PPP6R3: variants seen among roughly 807,000 people sequenced by gnomAD.
PPP6R3 encodes the protein protein phosphatase 6 regulatory subunit 3.
PPP6R3 carries 38 observed loss-of-function variants against 110.7 expected under a neutral mutation model. That is an observed-to-expected ratio of 0.34 (90% CI 0.26 to 0.45). PPP6R3 has a LOEUF of 0.45. PPP6R3 is among the 20% of genes least tolerant of loss of function. The probability of loss-of-function intolerance (pLI) is 1.00; values close to 1 mark genes in which losing one functional copy is unlikely to be tolerated. For missense variants in PPP6R3, 870 were observed against 1,062.4 expected (o/e 0.82, Z 2.52); for synonymous variants, 369 against 373.5 (o/e 0.99, Z 0.14).
chr11:68,487,536 C>A (rs2098955716), intron 1 of PPP6R3, among the ~76,000 whole-genome samples: 2 of 151,332 alleles, frequency 1.3e-5, no homozygotes, highest in African/African-American at 4.9e-5. Flanking sequence ...CACCACTGCA[C>A]TCCAGCCTGG....
At chr11:68,493,874 G>A (rs576492367) in intron 1 of PPP6R3, among the ~76,000 whole-genome samples, 11 of 151,132 alleles carry the variant, frequency 7.3e-5, no homozygotes, top group African/African-American at 2.4e-4. Context: ...AGGCTGAGGC[G>A]GGTGGATCAC....
At chr11:68,530,347 TTGTG>T (rs948366672) in intron 2 of PPP6R3, among the ~76,000 whole-genome samples, 1 of 152,146 alleles carries the variant, frequency 6.6e-6, no homozygotes, top group African/African-American at 2.4e-5. Flanking sequence ...TGTGTGAAAT[TTGTG>T]TGTCAAATAT....
At chr11:68,591,237 A>G (rs2099594363) in intron 17 of PPP6R3, among the ~76,000 whole-genome samples, 1 of 152,202 alleles carries the variant, frequency 6.6e-6, no homozygotes, top group Admixed American at 6.5e-5. Context: ...AGTAAAAGCA[A>G]ATAAGTACGG....
At chr11:68,534,431 G>A (rs2099258652) in intron 2 of PPP6R3, among the ~76,000 whole-genome samples, 1 of 152,142 alleles carries the variant, frequency 6.6e-6, no homozygotes, top group Non-Finnish European at 1.5e-5. Flanking sequence ...GCTGGATTTG[G>A]TTTGCCAACA....
intron 17 of PPP6R3, 61 bp from the exon 18 acceptor site, chr11:68,591,515 A>G: frequency 6.8e-7 from 1 of 1,463,572 alleles, no homozygotes; most frequent in Non-Finnish European, 9.2e-7. Flanking sequence ...GGTAATGCTT[A>G]AGAGAAGATA....
chr11:68,585,909 T>C (rs973791374), intron 15 of PPP6R3, among the ~76,000 whole-genome samples: 4 of 152,224 alleles, frequency 2.6e-5, no homozygotes, highest in African/African-American at 9.6e-5. Flanking sequence ...AACAACATTT[T>C]GGGGAATATT....
chr11:68,476,246 C>A (rs547525853), intron 1 of PPP6R3, among the ~76,000 whole-genome samples: 1 of 152,186 alleles, frequency 6.6e-6, no homozygotes, highest in South Asian at 2.1e-4. Flanking sequence ...GGATCACTCG[C>A]GGTTAGGAGC....
At chr11:68,476,334 A>C (rs1273862182) in intron 1 of PPP6R3, among the ~76,000 whole-genome samples, 1 of 152,034 alleles carries the variant, frequency 6.6e-6, no homozygotes, top group Non-Finnish European at 1.5e-5. Context: ...GTGGCGGCGC[A>C]CGCCTGCAAT....
chr11:68,591,700 G>A lies in PPP6R3; in HGVS notation c.1910G>A (p.Arg637Gln), dbSNP rs2099595816. 2 of 1,608,368 alleles carry A rather than the reference G, an allele frequency of 1.2e-6. No individual in the cohort carries two copies. Among genetic ancestry groups the A allele is most frequent in the African/African-American group, 2.7e-5 (2 of 74,660 alleles). ...HIAFTPESQR[R>Q]SSSGSTDSEE... ...GCATTCACACCAGAATCCCAAAGACGATCCAGGTGAAAGATAGTTGGTTAT... is the reference window on the plus strand; with the variant it reads ...GCATTCACACCAGAATCCCAAAGACAATCCAGGTGAAAGATAGTTGGTTAT... The change falls in exon 18 of 24, where the codon CGA becomes CAA. Residue 637 changes from arginine (R) to glutamine (Q), a missense_variant. Arg to Gln is a conservative substitution (Grantham distance 43). Coordinates refer to ENST00000393800, the MANE Select transcript of PPP6R3 (RefSeq NM_001164161.2).
chr11:68,603,523 T>G, intron 22 of PPP6R3, 31 bp downstream of exon 22: 1 of 1,613,662 alleles, frequency 6.2e-7, no homozygotes, highest in Non-Finnish European at 8.5e-7. Context: ...GCTGGTAGCT[T>G]CAGGTTATTG....
chr11:68,469,828 C>G (rs1297029412), intron 1 of PPP6R3, among the ~76,000 whole-genome samples: 1 of 152,212 alleles, frequency 6.6e-6, no homozygotes, highest in Non-Finnish European at 1.5e-5. Flanking sequence ...CTTTGGCTCC[C>G]TGTGTCCTCG....
intron 15 of PPP6R3, among the ~76,000 whole-genome samples, chr11:68,585,120 G>A (rs2099574112): frequency 6.6e-6 from 1 of 152,186 alleles, no homozygotes; most frequent in Non-Finnish European, 1.5e-5. Flanking sequence ...GTCACCAGTG[G>A]GGAGTGCCTC....
intron 1 of PPP6R3, 40 bp from the exon 2 acceptor site, chr11:68,519,461 A>G: frequency 7.6e-6 from 3 of 395,538 alleles, no homozygotes. Flanking sequence ...ACACCAAAAG[A>G]GAACATATGT....
chr11:68,475,303 A>C lies in PPP6R3; in HGVS notation c.-158+14476A>C, dbSNP rs898959689. On this transcript the variant is annotated intron_variant, in intron 1 of 23. Transcript: ENST00000393800. ...AGTACAGAACAAAATGAAGTCTCCC[A>C]TGTCTACTTCTTTCTACACAGAGAC... Among the ~76,000 whole-genome samples, 5 of 152,280 alleles carry C rather than the reference A, an allele frequency of 3.3e-5. 1 individual carries two copies. The highest frequency in any genetic ancestry group is 3.3e-4 in the Admixed American group (5 of 15,302).
chr11:68,507,062 G>T (rs2099082255), intron 1 of PPP6R3, among the ~76,000 whole-genome samples: 1 of 152,170 alleles, frequency 6.6e-6, no homozygotes, highest in African/African-American at 2.4e-5. Flanking sequence ...CTTAGATTGT[G>T]TTGGCTTCAT....
At chr11:68,503,433 C>T (rs1246636925) in intron 1 of PPP6R3, among the ~76,000 whole-genome samples, 1 of 152,124 alleles carries the variant, frequency 6.6e-6, no homozygotes, top group African/African-American at 2.4e-5. Context: ...GTGGGAGCCT[C>T]TGTGTTATCA....
intron 3 of PPP6R3, among the ~76,000 whole-genome samples, chr11:68,539,090 A>G (rs2099292479): frequency 6.6e-6 from 1 of 152,192 alleles, no homozygotes; most frequent in African/African-American, 2.4e-5. Context: ...CCCCCAAATG[A>G]TAGACACTTT....
chr11:68,509,584 G>T lies in PPP6R3; in HGVS notation c.-157-9917G>T, dbSNP rs562240155. Among the ~76,000 whole-genome samples, 3 of 145,442 alleles carry T rather than the reference G, an allele frequency of 2.1e-5. 1 individual carries two copies. The South Asian group carries it at 6.5e-4, about 31-fold the overall frequency. On this transcript the variant is annotated intron_variant, in intron 1 of 23. Transcript: ENST00000393800. Reference sequence around the variant, plus strand: ...GATTCATAAATTGTTGAAGCAACAAGAAAATTTAGAGTTAATTTACCCCAC... The same window carrying T: ...GATTCATAAATTGTTGAAGCAACAATAAAATTTAGAGTTAATTTACCCCAC...
chr11:68,611,530 G>A (rs1943393280), intron 23 of PPP6R3, among the ~76,000 whole-genome samples: 1 of 152,222 alleles, frequency 6.6e-6, no homozygotes, highest in South Asian at 2.1e-4. Flanking sequence ...AGTGGAAGAA[G>A]AGGGGCATCA....
Sources: allele counts gnomAD v4.1 joint callset (sites outside exome capture counted in the v4.1 genomes callset), GRCh38; gene constraint gnomAD v4.1.1; transcripts MANE v1.5; gene names NCBI Gene and HGNC (gene_info 2026-07-23, HGNC 2026-07-21).